GPALPP1: variants seen among roughly 807,000 people sequenced by gnomAD.
GPALPP1 encodes the protein GPALPP motifs containing 1.
In GPALPP1, 30 loss-of-function variants were observed where a neutral mutation model predicts 38.9. The ratio of observed to expected loss-of-function variants is 0.77; its 90% CI spans 0.58 to 1.05. GPALPP1 has a LOEUF of 1.05. Among genes scored for constraint, GPALPP1 ranks in the 50% least tolerant of loss-of-function variants. GPALPP1 has a pLI of 0.00. For missense variants in GPALPP1, 384 were observed against 408.8 expected (o/e 0.94, Z 0.52); for synonymous variants, 120 against 139.2 (o/e 0.86, Z 0.97).
chr13:45,024,166 T>TGTGTGCGTGC, intron 7 of GPALPP1, among the ~76,000 whole-genome samples: 1 of 112,860 alleles, frequency 8.9e-6, no homozygotes, highest in African/African-American at 3.7e-5. Context: ...TGTGTGTGTG[T>TGTGTGCGTGC]GTGTGTGTGT....
intron 2 of GPALPP1, 148 bp downstream of exon 2, chr13:45,004,585 A>C: frequency 1.7e-6 from 1 of 582,410 alleles, no homozygotes; most frequent in Admixed American, 3.2e-5. Context: ...CCTGAATTAT[A>C]CCTTTTACAA....
Position 45,019,090 on chromosome 13 carries a change from TATA to T in GPALPP1, c.706-1239_706-1237del, listed in dbSNP as rs1566082221. ...ATAAATATATACATATAAATATATGTATATATATTTATATATATTTATATGTAT... is the reference window on the plus strand; with the variant it reads ...ATAAATATATACATATAAATATATGTTATATTTATATATATTTATATGTAT... On this transcript the variant is annotated intron_variant, in intron 6 of 7. Coordinates refer to ENST00000379151, the MANE Select transcript of GPALPP1 (RefSeq NM_018559.5). Among the ~76,000 whole-genome samples, 20 of 128,604 alleles carry T rather than the reference TATA, an allele frequency of 1.6e-4. No individual in the cohort carries two copies. The East Asian group carries it at 1.8e-3, about 11-fold the overall frequency. The allele number at this position is 128,604 out of a possible 152,430, so 84.4% of individuals were successfully genotyped here.
intron 1 of GPALPP1, among the ~76,000 whole-genome samples, chr13:44,992,484 T>C (rs1041254393): frequency 6.6e-6 from 1 of 152,232 alleles, no homozygotes; most frequent in African/African-American, 2.4e-5. Context: ...ATTCTGACTT[T>C]TAATTTTTTT....
At chr13:44,989,857 G>A (rs1872652791) in intron 1 of GPALPP1, 115 bp downstream of exon 1, 1 of 735,426 alleles carries the variant, frequency 1.4e-6, no homozygotes, top group South Asian at 1.7e-5. Context: ...GAGTGGGCGC[G>A]GCCTGACCCG....
At chr13:45,033,410 C>T (rs1278702089), downstream of GPALPP1, 2 of 131,036 alleles carry the variant, frequency 1.5e-5, no homozygotes, top group African/African-American at 5.4e-5. Context: ...TTTAAGTCTG[C>T]AGTTTCAAAA....
At chr13:44,999,073 C>T (rs1873486381) in intron 1 of GPALPP1, among the ~76,000 whole-genome samples, 2 of 152,166 alleles carry the variant, frequency 1.3e-5, no homozygotes, top group South Asian at 2.1e-4. Flanking sequence ...TTTATTGTTG[C>T]AATCTAAAAC....
intron 1 of GPALPP1, among the ~76,000 whole-genome samples, chr13:44,991,988 T>C (rs1477511442): frequency 6.6e-6 from 1 of 152,256 alleles, no homozygotes; most frequent in Non-Finnish European, 1.5e-5. Context: ...ATGAATGTTC[T>C]GCAATTTATC....
intron 7 of GPALPP1, among the ~76,000 whole-genome samples, chr13:45,027,150 C>T (rs1875889401): frequency 1.3e-5 from 2 of 152,196 alleles, no homozygotes; most frequent in Admixed American, 6.5e-5. Flanking sequence ...TCCCTCCCTG[C>T]TCCTTCCATC....
chr13:44,997,157 A>G (rs569117836), intron 1 of GPALPP1, among the ~76,000 whole-genome samples: 4 of 149,196 alleles, frequency 2.7e-5, no homozygotes, highest in African/African-American at 9.9e-5. Context: ...TCCATGTGGT[A>G]GCAGGTGTCA....
chr13:45,024,853 G>A (rs1875726301), intron 7 of GPALPP1, among the ~76,000 whole-genome samples: 1 of 152,032 alleles, frequency 6.6e-6, no homozygotes, highest in Non-Finnish European at 1.5e-5. Flanking sequence ...TTGAACTCAG[G>A]AGGCTTGCAG....
intron 6 of GPALPP1, among the ~76,000 whole-genome samples, chr13:45,019,879 A>ATTTTTTTTTTTTTTTT (rs34893767): frequency 1.2e-5 from 1 of 85,570 alleles, no homozygotes; most frequent in East Asian, 3.8e-4. Context: ...TAATATTTTG[A>ATTTTTTTTTTTTTTTT]TTTTTTTTTT....
At chr13:45,018,965 A>G (rs1262254556) in intron 6 of GPALPP1, among the ~76,000 whole-genome samples, 6 of 63,756 alleles carry the variant, frequency 9.4e-5, no homozygotes, top group Admixed American at 2.6e-4. Flanking sequence ...ATATAAATAT[A>G]TATACATATA....
chr13:45,015,047 CCA>C lies in GPALPP1; in HGVS notation c.505_506del (p.Gln169GlufsTer11), dbSNP rs1874744542. ...TAACGACAGAGTTTGAAAAAAGGGCCCAGAGAATGAAAGAAAAACTGACCAAA... is the reference window on the plus strand; with the variant it reads ...TAACGACAGAGTTTGAAAAAAGGGCCGAGAATGAAAGAAAAACTGACCAAA... ...NVTTEFEKRA[Q>X]RMKEKLTKGD... is the part of the protein sequence containing the mutation. On this transcript the variant is annotated frameshift_variant, in exon 5 of 8. Transcript: ENST00000379151. LOFTEE classifies it high-confidence loss of function. 1 of 1,606,082 alleles carries C rather than the reference CCA, an allele frequency of 6.2e-7. No homozygotes were observed. Among genetic ancestry groups the C allele is most frequent in the African/African-American group, 1.3e-5 (1 of 74,262 alleles).
In GPALPP1 at chr13:45,015,719, G is replaced by C. The variant is rs3783148; in HGVS notation, c.705+123G>C. On this transcript the variant is annotated intron_variant, in intron 6 of 7. Transcript: ENST00000379151. The stretch of plus-strand genomic sequence containing the variant: ...AATTATGATTCCAAAAGGATAATGC[G>C]GATTTTCCTCTGGAGGAAGAGTATG... The C allele has an allele frequency of 1.2e-5, 7 of 605,726 alleles. No homozygotes were observed. The Admixed American group carries it at 2.7e-4, about 23-fold the overall frequency. The allele number at this position is 605,726 out of a possible 1,614,324, so 37.5% of individuals were successfully genotyped here.
downstream of GPALPP1, chr13:45,031,352 GA>G (rs1445600030): frequency 6.6e-6 from 1 of 151,932 alleles, no homozygotes; most frequent in Non-Finnish European, 1.5e-5. Context: ...TTTTCCCAAT[GA>G]AAGGAAAAAA....
intron 4 of GPALPP1, among the ~76,000 whole-genome samples, chr13:45,012,679 T>C (rs1031536043): frequency 6.6e-6 from 1 of 152,190 alleles, no homozygotes; most frequent in Non-Finnish European, 1.5e-5. Flanking sequence ...AGGGTCAGGC[T>C]GGGACAGAGA....
intron 7 of GPALPP1, among the ~76,000 whole-genome samples, chr13:45,022,385 C>T (rs1481715360): frequency 6.6e-6 from 1 of 151,884 alleles, no homozygotes; most frequent in Non-Finnish European, 1.5e-5. Context: ...ATTGAATATA[C>T]ACTTAATATT....
At chr13:45,026,422 C>G (rs571756045) in intron 7 of GPALPP1, among the ~76,000 whole-genome samples, 71 of 152,274 alleles carry the variant, frequency 4.7e-4, no homozygotes, top group Admixed American at 1.5e-3. Context: ...ACCAGACTTA[C>G]TTTCTGATTC....
chr13:45,016,453 C>CAAAA (rs895241580), intron 6 of GPALPP1, among the ~76,000 whole-genome samples: 41 of 147,572 alleles, frequency 2.8e-4, no homozygotes, highest in African/African-American at 8.0e-4. Context: ...GACTCCATCT[C>CAAAA]AAAAAAAAAC....
Sources: allele counts gnomAD v4.1 joint callset (sites outside exome capture counted in the v4.1 genomes callset), GRCh38; gene constraint gnomAD v4.1.1; transcripts MANE v1.5; gene names NCBI Gene and HGNC (gene_info 2026-07-23, HGNC 2026-07-21).